Variants in UBE2W observed in about 807,000 individuals in gnomAD.
UBE2W encodes ubiquitin conjugating enzyme E2 W.
UBE2W carries 18 observed loss-of-function variants against 27.2 expected under a neutral mutation model. The ratio of observed to expected loss-of-function variants is 0.66; its 90% CI spans 0.46 to 0.98. The LOEUF is 0.98. UBE2W is among the 50% of genes least tolerant of loss of function. UBE2W has a pLI of 0.00. For missense variants in UBE2W, 90 were observed against 180.2 expected (o/e 0.50, Z 2.87); for synonymous variants, 53 against 57.2 (o/e 0.93, Z 0.33).
chr8:73,800,308 T>C (rs1219548134), intron 5 of UBE2W, among the ~76,000 whole-genome samples: 1 of 152,208 alleles, frequency 6.6e-6, no homozygotes, highest in Non-Finnish European at 1.5e-5. Flanking sequence ...CAAAACAAAG[T>C]TGTCCCTTAA....
At chr8:73,849,512 C>CAAAAAA (rs71269951) in intron 1 of UBE2W, among the ~76,000 whole-genome samples, 21 of 22,776 alleles carry the variant, frequency 9.2e-4, no homozygotes, top group African/African-American at 3.0e-3. Context: ...AACTCCATCT[C>CAAAAAA]AAAAAAAAAA....
chr8:73,790,330 G>A lies in UBE2W; in HGVS notation c.*3772C>T. On this transcript the variant is annotated 3_prime_UTR_variant, in exon 6 of 6. Transcript: ENST00000602593. Reference sequence around the variant, plus strand: ...TTTAAAAAGGACTACAAAGAGGATTGGGGCCAGTTGGTGCAGATTAAAAGA... The same window carrying A: ...TTTAAAAAGGACTACAAAGAGGATTAGGGCCAGTTGGTGCAGATTAAAAGA... 1 of 985,392 alleles carries A rather than the reference G, an allele frequency of 1.0e-6. No homozygotes were observed. Among genetic ancestry groups the A allele is most frequent in the South Asian group, 4.7e-5 (1 of 21,274 alleles). The allele number at this position is 985,392 out of a possible 1,614,324, so 61.0% of individuals were successfully genotyped here.
intron 1 of UBE2W, among the ~76,000 whole-genome samples, chr8:73,876,316 A>G (rs980140583): frequency 1.6e-4 from 25 of 152,170 alleles, no homozygotes; most frequent in Admixed American, 1.2e-3. Flanking sequence ...TGTTGCCATT[A>G]AGATAGTCAG....
Position 73,864,387 on chromosome 8 carries a change from T to A in UBE2W, c.15+14421A>T, listed in dbSNP as rs573901606. Among the ~76,000 whole-genome samples, 64 of 152,068 alleles carry A rather than the reference T, an allele frequency of 4.2e-4. 2 individuals carry two copies. In the East Asian group the frequency reaches 8.5e-3, roughly 20 times the overall value. On this transcript the variant is annotated intron_variant, in intron 1 of 5. Coordinates refer to ENST00000602593, the MANE Select transcript of UBE2W (RefSeq NM_018299.6). Reference sequence around the variant, plus strand: ...CAGAGTGAGACTGTCTCTAAAAAAATTTTTTTTAATTAAAATACAGTCATT... The same window carrying A: ...CAGAGTGAGACTGTCTCTAAAAAAAATTTTTTTAATTAAAATACAGTCATT...
At chr8:73,846,628 T>A (rs190762584) in intron 1 of UBE2W, among the ~76,000 whole-genome samples, 239 of 152,136 alleles carry the variant, frequency 1.6e-3, no homozygotes, top group Non-Finnish European at 2.7e-3. Flanking sequence ...ACAAAAAAAA[T>A]TTTTGGTTTT....
intron 1 of UBE2W, among the ~76,000 whole-genome samples, chr8:73,843,779 CAAA>C (rs11336925): frequency 0.025 from 2,976 of 121,242 alleles, 110 homozygotes; most frequent in African/African-American, 0.085. Context: ...GTAGAGACAC[CAAA>C]AAAAAAAAAA....
At chr8:73,795,646 G>C (rs1021821438) in intron 5 of UBE2W, 2 of 379,556 alleles carry the variant, frequency 5.3e-6, no homozygotes, top group African/African-American at 4.4e-5. Context: ...CAAACTCATA[G>C]AGTATTCCAT....
intron 1 of UBE2W, among the ~76,000 whole-genome samples, chr8:73,877,519 T>C (rs1812282334): frequency 1.3e-5 from 2 of 152,060 alleles, no homozygotes; most frequent in Admixed American, 1.3e-4. Context: ...AGCAAAGCTA[T>C]ATTTGTACAA....
intron 2 of UBE2W, among the ~76,000 whole-genome samples, chr8:73,826,377 C>G (rs1306820267): frequency 6.6e-6 from 1 of 152,156 alleles, no homozygotes; most frequent in African/African-American, 2.4e-5. Context: ...AGCTCTGTCA[C>G]TTATAATTCT....
intron 1 of UBE2W, among the ~76,000 whole-genome samples, chr8:73,840,335 C>A (rs139475493): frequency 6.2e-4 from 94 of 152,324 alleles, no homozygotes; most frequent in African/African-American, 2.1e-3. Flanking sequence ...GGATTACAAG[C>A]ATGAGACACC....
rs1033480463 is a variant in UBE2W at position 73,792,609 on chromosome 8, T to C, written c.*1493A>G. On this transcript the variant is annotated 3_prime_UTR_variant, in exon 6 of 6. Transcript: ENST00000602593. The stretch of plus-strand genomic sequence containing the variant: ...TTTTAAGCCCAAATTGATTCATATA[T>C]TCACTGCAGGATATTTCAAAAAGAG... 3.2e-5 allele frequency: 32 copies of C among 985,616 alleles called. No homozygotes were observed. Among genetic ancestry groups the C allele is most frequent in the Non-Finnish European group, 3.9e-5 (32 of 829,804 alleles). The allele number at this position is 985,616 out of a possible 1,614,324, so 61.1% of individuals were successfully genotyped here.
chr8:73,845,412 A>G (rs1810753384), intron 1 of UBE2W, among the ~76,000 whole-genome samples: 2 of 152,076 alleles, frequency 1.3e-5, no homozygotes, highest in African/African-American at 4.8e-5. Context: ...CTTACCCCCA[A>G]CCCCGTGCTC....
intron 4 of UBE2W, among the ~76,000 whole-genome samples, chr8:73,809,917 G>GT (rs750937654): frequency 2.6e-5 from 4 of 151,514 alleles, no homozygotes; most frequent in Middle Eastern, 3.4e-3. Flanking sequence ...TTTTCTTTTT[G>GT]TTTTTTTTCC....
At chr8:73,839,271 T>C (rs988052600) in intron 1 of UBE2W, among the ~76,000 whole-genome samples, 2 of 148,674 alleles carry the variant, frequency 1.3e-5, no homozygotes, top group African/African-American at 5.0e-5. Context: ...CTGTTTAGAA[T>C]GAATACTACT....
At chr8:73,807,491 G>A (rs1326150383) in intron 4 of UBE2W, among the ~76,000 whole-genome samples, 1 of 152,120 alleles carries the variant, frequency 6.6e-6, no homozygotes, top group Non-Finnish European at 1.5e-5. Context: ...GTTAATATTA[G>A]TAATTTCATT....
At chr8:73,794,344 T>C (rs1808326846) in intron 5 of UBE2W, among the ~76,000 whole-genome samples, 1 of 152,198 alleles carries the variant, frequency 6.6e-6, no homozygotes, top group African/African-American at 2.4e-5. Context: ...AAATGATATG[T>C]TATTAGCACA....
intron 4 of UBE2W, chr8:73,780,520 G>GA (rs768457473): frequency 1.5e-4 from 67 of 447,342 alleles, no homozygotes; most frequent in South Asian, 2.2e-4. Flanking sequence ...TTTCAGTTCT[G>GA]AAAAAAAAAT....
rs1586434767 is a variant in UBE2W at position 73,791,875 on chromosome 8, A to G, written c.*2227T>C. On this transcript the variant is annotated 3_prime_UTR_variant, in exon 6 of 6. Transcript: ENST00000602593. ...TTATGGTATTTATATGTAGAGAGAG[A>G]GGTATGTTAAAATATTGTCATAAAA... 1.0e-6 allele frequency: 1 copy of G among 984,356 alleles called. No homozygotes were observed. The highest frequency in any genetic ancestry group is 1.2e-6 in the Non-Finnish European group (1 of 829,094). The allele number at this position is 984,356 out of a possible 1,614,324, so 61.0% of individuals were successfully genotyped here.
intron 1 of UBE2W, among the ~76,000 whole-genome samples, chr8:73,851,545 G>A (rs139572694): frequency 1.8e-3 from 272 of 152,110 alleles, no homozygotes; most frequent in African/African-American, 6.1e-3. Context: ...TTCTTTCCAT[G>A]AATCTGTATT....
Sources: allele counts gnomAD v4.1 joint callset (sites outside exome capture counted in the v4.1 genomes callset), GRCh38; gene constraint gnomAD v4.1.1; transcripts MANE v1.5; gene names NCBI Gene and HGNC (gene_info 2026-07-23, HGNC 2026-07-21).